The following PP2D1 variants were observed in gnomAD, a reference collection of about 807,000 sequenced individuals.
The protein encoded by PP2D1 is protein phosphatase 2C like domain containing 1, also known as protein phosphatase 2C-like domain-containing protein 1.
Under a neutral mutation model 30.2 loss-of-function variants are expected in PP2D1, and 25 were observed. That is an observed-to-expected ratio of 0.83 (90% CI 0.60 to 1.16). PP2D1 has a LOEUF of 1.16. Among genes scored for constraint, PP2D1 ranks in the 50% most tolerant of loss-of-function variants. The pLI is 0.00. For missense variants in PP2D1, 760 were observed against 742.4 expected (o/e 1.02, Z -0.28); for synonymous variants, 260 against 258.9 (o/e 1.00, Z -0.04).
chr3:20,009,342 G>C (rs1332352819), intron 1 of PP2D1, among the ~76,000 whole-genome samples: 3 of 151,960 alleles, frequency 2.0e-5, no homozygotes, highest in Non-Finnish European at 4.4e-5. Flanking sequence ...CACACCTGTA[G>C]TCCCAGCTAC....
intron 1 of PP2D1, among the ~76,000 whole-genome samples, chr3:20,003,255 G>A (rs1442045737): frequency 6.6e-6 from 1 of 151,798 alleles, no homozygotes; most frequent in African/African-American, 2.4e-5. Context: ...TCCAGAAGAA[G>A]GCATTGTTAA....
At chr3:20,008,425 G>T (rs922751932) in intron 1 of PP2D1, among the ~76,000 whole-genome samples, 11 of 152,064 alleles carry the variant, frequency 7.2e-5, no homozygotes, top group Non-Finnish European at 1.5e-4. Flanking sequence ...AAATTACCTA[G>T]GAGTGGTGGC....
chr3:20,011,906 G>A, intron 1 of PP2D1, 144 bp downstream of exon 1: 1 of 555,012 alleles, frequency 1.8e-6, no homozygotes, highest in Non-Finnish European at 3.1e-6. Context: ...ATAAGGCAGA[G>A]GGATATATCA....
At chr3:19,989,229 G>A (rs923372579) in intron 2 of PP2D1, among the ~76,000 whole-genome samples, 4 of 152,170 alleles carry the variant, frequency 2.6e-5, no homozygotes, top group African/African-American at 7.2e-5. Context: ...CTACTCAGGA[G>A]GCTGAGGCAC....
intron 2 of PP2D1, 53 bp from the exon 3 acceptor site, chr3:19,986,235 G>A (rs1697032651): frequency 2.9e-5 from 37 of 1,279,060 alleles, no homozygotes; most frequent in Non-Finnish European, 3.5e-5. Flanking sequence ...ATAACCAATT[G>A]TATCAAAATC....
At chr3:19,987,315 T>C (rs1423140214) in intron 2 of PP2D1, among the ~76,000 whole-genome samples, 3 of 152,146 alleles carry the variant, frequency 2.0e-5, no homozygotes, top group Non-Finnish European at 2.9e-5. Flanking sequence ...TTAGGAAAAA[T>C]TGATTTTCCC....
chr3:19,995,010 A>G (rs981612314), intron 2 of PP2D1, among the ~76,000 whole-genome samples: 1 of 152,236 alleles, frequency 6.6e-6, no homozygotes, highest in African/African-American at 2.4e-5. Context: ...ATTAGGTAGC[A>G]TGCTTAGGAA....
intron 2 of PP2D1, among the ~76,000 whole-genome samples, chr3:19,993,935 T>C (rs1190046453): frequency 2.0e-5 from 3 of 151,944 alleles, no homozygotes; most frequent in Non-Finnish European, 4.4e-5. Flanking sequence ...GGTTTCACCA[T>C]GTTGGCCAGG....
chr3:20,004,668 C>T (rs536709355), intron 1 of PP2D1, among the ~76,000 whole-genome samples: 4 of 152,178 alleles, frequency 2.6e-5, no homozygotes, highest in Admixed American at 6.5e-5. Context: ...CTATCAGAAA[C>T]ATCTAGTACT....
At chr3:20,004,409 A>G (rs1697293470) in intron 1 of PP2D1, among the ~76,000 whole-genome samples, 1 of 152,240 alleles carries the variant, frequency 6.6e-6, no homozygotes, top group South Asian at 2.1e-4. Flanking sequence ...CCATCGTTAA[A>G]TGATGCATGA....
At chr3:20,007,114 C>T (rs764793190) in intron 1 of PP2D1, among the ~76,000 whole-genome samples, 1 of 151,956 alleles carries the variant, frequency 6.6e-6, no homozygotes, top group African/African-American at 2.4e-5. Flanking sequence ...TCAAGTGATC[C>T]GCCCAGCTCT....
intron 3 of PP2D1, chr3:19,980,251 A>G (rs1428740616): frequency 6.6e-6 from 1 of 152,210 alleles, no homozygotes; most frequent in African/African-American, 2.4e-5. Flanking sequence ...CACAATATTT[A>G]AACTCTACCA....
At chr3:20,009,686 G>A (rs553861781) in intron 1 of PP2D1, among the ~76,000 whole-genome samples, 1 of 152,222 alleles carries the variant, frequency 6.6e-6, no homozygotes, top group South Asian at 2.1e-4. Flanking sequence ...ATAAATAATA[G>A]TGCACTATGT....
chr3:20,007,376 GAC>G (rs1697332289), intron 1 of PP2D1, among the ~76,000 whole-genome samples: 1 of 152,082 alleles, frequency 6.6e-6, no homozygotes, highest in Non-Finnish European at 1.5e-5. Context: ...AGATATGGAG[GAC>G]TGACTCTGTT....
downstream of PP2D1, among the ~76,000 whole-genome samples, chr3:19,982,957 G>A (rs1455033292): frequency 6.6e-6 from 1 of 152,158 alleles, no homozygotes; most frequent in Non-Finnish European, 1.5e-5. Flanking sequence ...GTTTGTGGCA[G>A]TCTAGAGAAC....
chr3:19,983,815 A>G (rs1265203602), downstream of PP2D1: 1 of 1,595,070 alleles, frequency 6.3e-7, no homozygotes, highest in East Asian at 2.3e-5. Context: ...TCAGTGTTGT[A>G]GTAACTAAAC....
chr3:19,988,736 T>C (rs1324877959), intron 2 of PP2D1, among the ~76,000 whole-genome samples: 1 of 152,092 alleles, frequency 6.6e-6, no homozygotes, highest in African/African-American at 2.4e-5. Flanking sequence ...AGCTTTAAAA[T>C]TTCTGTCTTT....
chr3:19,987,780 C>T (rs186848377), intron 2 of PP2D1, among the ~76,000 whole-genome samples: 42 of 152,222 alleles, frequency 2.8e-4, no homozygotes, highest in Admixed American at 5.9e-4. Context: ...GGCGTTGTTG[C>T]GGGAAGTCAG....
downstream of PP2D1, among the ~76,000 whole-genome samples, chr3:19,982,569 G>A (rs775812923): frequency 2.6e-5 from 4 of 152,118 alleles, no homozygotes; most frequent in Non-Finnish European, 5.9e-5. Context: ...AAACTAAGCG[G>A]TCGAGCATGG....
Sources: gnomAD v4.1 joint callset for allele counts (sites outside exome capture counted in the v4.1 genomes callset) on GRCh38, gnomAD v4.1.1 for gene constraint, MANE v1.5 for transcripts, NCBI Gene and HGNC (gene_info 2026-07-23, HGNC 2026-07-21) for gene names.